NCS1: variants seen among roughly 807,000 people sequenced by gnomAD.
NCS1 encodes frequenin homolog.
Under a neutral mutation model 28.4 loss-of-function variants are expected in NCS1, and 6 were observed. That is an observed-to-expected ratio of 0.21 (90% confidence interval 0.12 to 0.42). The LOEUF (loss-of-function observed/expected upper bound fraction) is 0.42. Ranked by LOEUF, NCS1 falls within the 10% of genes least tolerant of loss-of-function variation. The probability of loss-of-function intolerance (pLI) is 1.00; values close to 1 mark genes in which losing one functional copy is unlikely to be tolerated. For synonymous variants in NCS1, 86 were observed against 99.3 expected, an observed-to-expected ratio of 0.87 and a Z score of 0.79; for missense variants, 131 against 241.4, an observed-to-expected ratio of 0.54 and a Z score of 3.03.
In NCS1 at chr9:130,225,643, G is replaced by C. The variant is rs1486609652; in HGVS notation, c.475-746G>C. Among the ~76,000 whole-genome samples, 5 of 152,374 alleles carry C rather than the reference G, an allele frequency of 3.3e-5. No individual in the cohort carries two copies. The East Asian group carries it at 9.6e-4, about 29-fold the overall frequency. On this transcript the variant is annotated intron_variant, in intron 6 of 7. Coordinates refer to ENST00000372398, the MANE Select transcript of NCS1 (RefSeq NM_014286.4). ...CACTGGTAAAATGGGGATGAGAGCA[G>C]CACCCCCTTCTTGGCTTGGCCGTGA... is the stretch of plus-strand genomic sequence containing the variant.
chr9:130,199,947 A>G (rs1832920343), intron 1 of NCS1, among the ~76,000 whole-genome samples: 1 of 144,460 alleles, frequency 6.9e-6, no homozygotes, highest in African/African-American at 2.6e-5. Context: ...AGTATTGAGC[A>G]CATTTGAGGG....
At chr9:130,222,941 G>A (rs1554910791) in intron 5 of NCS1, 141 bp from the exon 6 acceptor site, 2 of 764,648 alleles carry the variant, frequency 2.6e-6, no homozygotes, top group African/African-American at 3.4e-5. Context: ...ATGTTCCAGG[G>A]CACAATGGCA....
intron 2 of NCS1, among the ~76,000 whole-genome samples, chr9:130,213,425 C>T (rs1554908998): frequency 6.7e-6 from 1 of 148,776 alleles, no homozygotes; most frequent in African/African-American, 2.5e-5. Flanking sequence ...CTTACAGGCG[C>T]CCGCCACCAC....
intron 1 of NCS1, among the ~76,000 whole-genome samples, chr9:130,182,907 G>A (rs1243391440): frequency 6.6e-6 from 1 of 152,244 alleles, no homozygotes; most frequent in Non-Finnish European, 1.5e-5. Context: ...AGTCCTCACA[G>A]GTGCAGTGTG....
At position 130,232,314 on chromosome 9, in the gene NCS1, C is replaced by T. The variant is rs1214080267; in HGVS notation, c.*18-676C>T. 1.3e-5 allele frequency among the ~76,000 whole-genome samples: 2 copies of T among 152,114 alleles called. No individual in the cohort carries two copies. The highest frequency in any genetic ancestry group is 4.8e-5 in the African/African-American group (2 of 41,412). ...GTTGGGCATCTTTTCATGTGTTTAT[C>T]GACTGTTCTATGTGTTGTTTTTAAT... On this transcript the variant is annotated intron_variant, in intron 7 of 7. Coordinates refer to ENST00000372398, the MANE Select transcript of NCS1 (RefSeq NM_014286.4). This position sits in a 1 kb window ranked among gnomAD's most constrained non-coding sequence, Gnocchi z 4.4.
At chr9:130,208,162 A>C (rs562402778) in intron 2 of NCS1, among the ~76,000 whole-genome samples, 1 of 129,718 alleles carries the variant, frequency 7.7e-6, no homozygotes, top group East Asian at 2.2e-4. Context: ...TGATGGAAAA[A>C]ATGTAGGCAG....
In NCS1 at chr9:130,232,973, C is replaced by T. The variant is rs1833517947; in HGVS notation, c.*18-17C>T. ...GTGGCTGGATCTTAACCCATCTTGC[C>T]TCCTTGTGTCTTCCAGATGCCTGGG... On this transcript the variant is annotated splice_polypyrimidine_tract_variant and intron_variant, in intron 7 of 7. Transcript: ENST00000372398. This position sits in a 1 kb window ranked among gnomAD's most constrained non-coding sequence, Gnocchi z 4.4. 6.5e-6 allele frequency: 1 copy of T among 152,872 alleles called. No homozygotes were observed. The highest frequency in any genetic ancestry group is 2.4e-5 in the African/African-American group (1 of 41,450). 9.5% of individuals were successfully genotyped at this position (152,872 alleles called of 1,614,324 possible).
rs565306172 is a variant in NCS1 at position 130,180,531 on chromosome 9, C to T, written c.64+7804C>T. ...GCAGAGAGTGTCAGAGATTACGTTG[C>T]GGCGTTTCTAGGTAACTTGAGATTG... On this transcript the variant is annotated intron_variant, in intron 1 of 7. Coordinates refer to ENST00000372398, the MANE Select transcript of NCS1 (RefSeq NM_014286.4). The surrounding 1 kb of genome is among the most constrained non-coding windows in gnomAD (Gnocchi z 4.5). Among the ~76,000 whole-genome samples the T allele has an allele frequency of 2.0e-4, 30 of 152,274 alleles. No homozygotes were observed. Among genetic ancestry groups the T allele is most frequent in the East Asian group, 9.6e-4 (5 of 5,190 alleles).
In NCS1 at chr9:130,176,161, TCTTTCTTTCTTTCTTTCTTTCTTTCTTTC is replaced by T. The variant is rs1564700696; in HGVS notation, c.64+3435_64+3463del. Among the ~76,000 whole-genome samples, 148 of 82,282 alleles carry T rather than the reference TCTTTCTTTCTTTCTTTCTTTCTTTCTTTC, an allele frequency of 1.8e-3. 4 individuals carry two copies. The highest frequency in any genetic ancestry group is 9.0e-3 in the Middle Eastern group (2 of 222). The allele number at this position is 82,282 out of a possible 152,430, so 54.0% of individuals were successfully genotyped here. On this transcript the variant is annotated intron_variant, in intron 1 of 7. Coordinates refer to ENST00000372398, the MANE Select transcript of NCS1 (RefSeq NM_014286.4). ...CATTTTCTTTCTTTCTTTCTTTCTTTCTTTCTTTCTTTCTTTCTTTCTTTCTTTCTTTCTTTTTTTTTTTTTTTGGAGAC... is the reference window on the plus strand; with the variant it reads ...CATTTTCTTTCTTTCTTTCTTTCTTTTTTCTTTTTTTTTTTTTTTGGAGAC...
rs1832745942 is a variant in NCS1, at chr9:130,186,922, A to C, written c.65-14036A>C. 6.6e-6 allele frequency among the ~76,000 whole-genome samples: 1 copy of C among 152,242 alleles called. No homozygotes were observed. The highest frequency in any genetic ancestry group is 2.4e-5 in the African/African-American group (1 of 41,472). ...GCACTGACGAGCGATTGAGCAGCTC[A>C]GAGGTGAGCTTATGTGGCCAGAAGC... On this transcript the variant is annotated intron_variant, in intron 1 of 7. Transcript: ENST00000372398. The surrounding 1 kb of genome is among the most constrained non-coding windows in gnomAD (Gnocchi z 4.1).
chr9:130,227,187 C>G (rs1166042352), intron 7 of NCS1, among the ~76,000 whole-genome samples: 1 of 152,218 alleles, frequency 6.6e-6, no homozygotes, highest in African/African-American at 2.4e-5. Flanking sequence ...TCCTAGCTGT[C>G]ACAGAATGAT....
chr9:130,205,537 GA>G (rs1194053393), intron 2 of NCS1, among the ~76,000 whole-genome samples: 2,041 of 115,144 alleles, frequency 0.018, 48 homozygotes, highest in African/African-American at 0.066. Flanking sequence ...TCGTCTCTTA[GA>G]AAAAAAAAAA....
At chr9:130,182,515 G>C (rs1832674635) in intron 1 of NCS1, among the ~76,000 whole-genome samples, 1 of 152,224 alleles carries the variant, frequency 6.6e-6, no homozygotes, top group African/African-American at 2.4e-5. Flanking sequence ...ATTTGGGGCA[G>C]CCTCCGCCTT....
At chr9:130,214,894 C>T (rs1833161684) in intron 2 of NCS1, among the ~76,000 whole-genome samples, 1 of 152,186 alleles carries the variant, frequency 6.6e-6, no homozygotes. Flanking sequence ...AGGCTCCCCA[C>T]TGAAGCCAGT....
rs1833527689 is a variant in NCS1 at position 130,233,565 on chromosome 9, T to C, written c.*593T>C. 6.6e-6 allele frequency: 1 copy of C among 151,702 alleles called. No individual in the cohort carries two copies. The highest frequency in any genetic ancestry group is 2.1e-4 in the South Asian group (1 of 4,822). 9.4% of individuals were successfully genotyped at this position (151,702 alleles called of 1,614,324 possible). On this transcript the variant is annotated 3_prime_UTR_variant, in exon 8 of 8. Transcript: ENST00000372398. This position sits in a 1 kb window ranked among gnomAD's most constrained non-coding sequence, Gnocchi z 4.8. Reference sequence around the variant, plus strand: ...CTAGGATGATTAATTATGAGGATGATGATTTTTTTTGTGATAACAGTATTG... The same window carrying C: ...CTAGGATGATTAATTATGAGGATGACGATTTTTTTTGTGATAACAGTATTG...
intron 1 of NCS1, among the ~76,000 whole-genome samples, chr9:130,193,149 C>T (rs1052976430): frequency 2.6e-5 from 4 of 152,060 alleles, no homozygotes; most frequent in East Asian, 1.9e-4. Context: ...CTGTTGCTGC[C>T]CAGGGAGGGC....
At chr9:130,213,849 A>G (rs777144868) in intron 2 of NCS1, among the ~76,000 whole-genome samples, 75 of 151,936 alleles carry the variant, frequency 4.9e-4, no homozygotes, top group Non-Finnish European at 8.4e-4. Flanking sequence ...AAAGTGCTGG[A>G]ATTACAGGCG....
chr9:130,222,795 G>A (rs1833351180), intron 5 of NCS1, 57 bp downstream of exon 5: 4 of 1,512,224 alleles, frequency 2.6e-6, no homozygotes, highest in Non-Finnish European at 3.7e-6. Flanking sequence ...GCCAGTGACT[G>A]AGAGACAGAG....
At position 130,186,863 on chromosome 9, in the gene NCS1, C is replaced by T. The variant is rs782806153; in HGVS notation, c.65-14095C>T. ...GGAGGGCCCTGATGGCAGGAGGGCCCGTGCTGTGCTCAGCCTGGCTCCAAG... is the reference window on the plus strand; with the variant it reads ...GGAGGGCCCTGATGGCAGGAGGGCCTGTGCTGTGCTCAGCCTGGCTCCAAG... On this transcript the variant is annotated intron_variant, in intron 1 of 7. Transcript: ENST00000372398. The surrounding 1 kb of genome is among the most constrained non-coding windows in gnomAD (Gnocchi z 4.1). Among the ~76,000 whole-genome samples the T allele has an allele frequency of 2.6e-5, 4 of 152,260 alleles. 1 individual carries two copies. The highest frequency in any genetic ancestry group is 4.1e-4 in the South Asian group (2 of 4,826).
Sources: gnomAD v4.1 joint callset for allele counts (sites outside exome capture counted in the v4.1 genomes callset) on GRCh38, gnomAD v4.1.1 for gene constraint, Gnocchi (gnomAD v3.1) non-coding constraint, MANE v1.5 for transcripts, NCBI Gene and HGNC (gene_info 2026-07-23, HGNC 2026-07-21) for gene names.